The following VENTX variants were observed in gnomAD, a reference collection of about 807,000 sequenced individuals.
The protein encoded by VENTX is VENT homeobox.
A neutral mutation model predicts 10.5 loss-of-function variants in VENTX; 13 were observed. The ratio of observed to expected loss-of-function variants is 1.23; its 90% CI spans 0.80 to 1.96. The LOEUF (loss-of-function observed/expected upper bound fraction) is 1.96. VENTX is among the 30% of genes most tolerant of loss of function. The pLI, the probability that VENTX is intolerant of heterozygous loss-of-function variation, is 0.00. For missense variants in VENTX, 400 were observed against 341.8 expected (o/e 1.17, Z -1.34); for synonymous variants, 177 against 150.4 (o/e 1.18, Z -1.29).
At position 133,240,256 on chromosome 10, in the gene VENTX, A is replaced by G; in HGVS notation, c.727A>G (p.Thr243Ala). Residue 243 changes from threonine (T) to alanine (A), a missense_variant, in exon 3 of 3, where the codon ACG becomes GCG. Thr to Ala is a moderately conservative substitution (Grantham distance 58). Transcript: ENST00000325980. The part of the protein sequence containing the change: ...GRPSLGPALS[T>A]GPRGLCAMPQ... ...GCCTTCGCTGGGACCAGCCCTGTCC[A>G]CGGGGCCCCGGGGCCTGTGTGCTAT... is the stretch of plus-strand genomic sequence containing the variant. The G allele has an allele frequency of 2.5e-6, 4 of 1,607,268 alleles. No individual in the cohort carries two copies. The highest frequency in any genetic ancestry group is 1.1e-5 in the South Asian group (1 of 90,736).
intron 1 of VENTX, among the ~76,000 whole-genome samples, chr10:133,238,813 A>G (rs1213869955): frequency 3.3e-5 from 5 of 152,242 alleles, no homozygotes; most frequent in African/African-American, 9.6e-5. Flanking sequence ...TGGGGTTGAC[A>G]TCATCTACAA....
chr10:133,239,789 C>G lies in VENTX; in HGVS notation c.355C>G (p.Leu119Val), dbSNP rs1458108121. 1.3e-6 allele frequency: 2 copies of G among 1,595,302 alleles called. No homozygotes were observed. The highest frequency in any genetic ancestry group is 8.5e-7 in the Non-Finnish European group (1 of 1,170,964). The change falls in exon 2 of 3, where the codon CTG (leucine) becomes GTG (valine). Residue 119 changes from leucine to valine, a missense_variant. Physicochemically the swap from Leu to Val is conservative, Grantham distance 32 (BLOSUM62 1). Coordinates refer to ENST00000325980, the MANE Select transcript of VENTX (RefSeq NM_014468.4). ...VFQHHQYLSP[L>V]ERKRLAREMQ... ...CCAGCACCACCAGTACCTGAGCCCT[C>G]TGGAGCGGAAGAGGCTGGCCAGGGA...
Position 133,238,170 on chromosome 10 carries a change from G to T in VENTX, c.241+15G>T, listed in dbSNP as rs765855559. The T allele has an allele frequency of 3.8e-6, 6 of 1,575,154 alleles. No individual in the cohort carries two copies. Among genetic ancestry groups the T allele is most frequent in the Middle Eastern group, 1.8e-4 (1 of 5,516 alleles). ...GACCATGGCCGGTAGGTCCGGGTGG[G>T]GGGGGTCCCTTCCTTCCCAGGTGGA... On this transcript the variant is annotated intron_variant, in intron 1 of 2. Transcript: ENST00000325980.
chr10:133,240,391 C>G lies in VENTX; in HGVS notation c.*85C>G. 6.8e-7 allele frequency: 1 copy of G among 1,463,804 alleles called. No homozygotes were observed. Among genetic ancestry groups the G allele is most frequent in the Non-Finnish European group, 9.0e-7 (1 of 1,108,700 alleles). 90.7% of individuals were successfully genotyped at this position (1,463,804 alleles called of 1,614,324 possible). A position where few individuals can be genotyped will look rare whatever the true frequency, so the allele number is the denominator to read the frequency against. ...AGGACTCAGTTGTTCTGTTTACATC[C>G]TGGTGGCACCTCTCACCCTGACCCA... On this transcript the variant is annotated 3_prime_UTR_variant, in exon 3 of 3. Transcript: ENST00000325980.
In VENTX at chr10:133,238,020, A is replaced by C. The variant is rs1293422222; in HGVS notation, c.106A>C (p.Arg36=). The change falls in exon 1 of 3, where the codon AGG becomes CGG. Residue 36 remains arginine, a synonymous_variant. Transcript: ENST00000325980. The part of the protein sequence containing the change: ...SSCSGPTHTP[R]PADFSLGSLP... ...CTGCTCAGGGCCGACCCACACCCCCAGGCCTGCCGACTTCTCCCTGGGGAG... is the reference window on the plus strand; with the variant it reads ...CTGCTCAGGGCCGACCCACACCCCCCGGCCTGCCGACTTCTCCCTGGGGAG... 1.2e-6 allele frequency: 2 copies of C among 1,600,392 alleles called. No homozygotes were observed. The highest frequency in any genetic ancestry group is 1.7e-6 in the Non-Finnish European group (2 of 1,176,074).
chr10:133,238,171 G>A lies in VENTX; in HGVS notation c.241+16G>A, dbSNP rs754655978. ...ACCATGGCCGGTAGGTCCGGGTGGG[G>A]GGGGTCCCTTCCTTCCCAGGTGGAG... On this transcript the variant is annotated intron_variant, in intron 1 of 2. Transcript: ENST00000325980. 21 of 1,574,804 alleles carry A rather than the reference G, an allele frequency of 1.3e-5. No individual in the cohort carries two copies. Among genetic ancestry groups the A allele is most frequent in the Non-Finnish European group, 1.6e-5 (18 of 1,158,922 alleles).
Position 133,241,364 on chromosome 10 carries a change from C to G in VENTX, c.*1058C>G, listed in dbSNP as rs1341085554. The G allele has an allele frequency of 6.6e-6, 1 of 152,670 alleles. No individual in the cohort carries two copies. Among genetic ancestry groups the G allele is most frequent in the East Asian group, 1.9e-4 (1 of 5,202 alleles). 9.5% of individuals were successfully genotyped at this position (152,670 alleles called of 1,614,324 possible). ...CACCTGTCCCCCTGCTCGCAGCAGC[C>G]TCGGGACAAAACAATGACTCAAGGA... On this transcript the variant is annotated 3_prime_UTR_variant, in exon 3 of 3. Transcript: ENST00000325980.
Position 133,238,876 on chromosome 10 carries a change from G to A in VENTX, c.241+721G>A, listed in dbSNP as rs1018883678. Among the ~76,000 whole-genome samples the A allele has an allele frequency of 2.6e-4, 39 of 152,110 alleles. 1 individual carries two copies. The highest frequency in any genetic ancestry group is 5.3e-4 in the Non-Finnish European group (36 of 68,022). ...CCTTATGGAGTGACTTTGTACTTAA[G>A]GGAAATGAAAATTTAAATGTATTCT... is the stretch of plus-strand genomic sequence containing the variant. On this transcript the variant is annotated intron_variant, in intron 1 of 2. Coordinates refer to ENST00000325980, the MANE Select transcript of VENTX (RefSeq NM_014468.4).
In VENTX at chr10:133,241,586, G is replaced by A. The variant is rs1200247595; in HGVS notation, c.*1280G>A. 4 of 152,228 alleles carry A rather than the reference G, an allele frequency of 2.6e-5. No individual in the cohort carries two copies. Among genetic ancestry groups the A allele is most frequent in the Non-Finnish European group, 5.9e-5 (4 of 68,030 alleles). The allele number at this position is 152,228 out of a possible 1,614,324, so 9.4% of individuals were successfully genotyped here. A position where few individuals can be genotyped will look rare whatever the true frequency, so the allele number is the denominator to read the frequency against. On this transcript the variant is annotated 3_prime_UTR_variant, in exon 3 of 3. Coordinates refer to ENST00000325980, the MANE Select transcript of VENTX (RefSeq NM_014468.4). ...GGCAGTGCGGGGTGCCCAGGCAGAC[G>A]GGTTCAGCCTGCAGAACTGGAGGCG...
chr10:133,240,888 A>G lies in VENTX; in HGVS notation c.*582A>G, dbSNP rs1845927474. The G allele has an allele frequency of 6.6e-6, 1 of 152,116 alleles. No homozygotes were observed. The highest frequency in any genetic ancestry group is 1.5e-5 in the Non-Finnish European group (1 of 68,038). The allele number at this position is 152,116 out of a possible 1,614,324, so 9.4% of individuals were successfully genotyped here. A position where few individuals can be genotyped will look rare whatever the true frequency, so the allele number is the denominator to read the frequency against. ...GCCACCTCTTCACTGAAAGTTACCGAAAGAGTCGGTTTAGGAAGGAAACGA... is the reference window on the plus strand; with the variant it reads ...GCCACCTCTTCACTGAAAGTTACCGGAAGAGTCGGTTTAGGAAGGAAACGA... On this transcript the variant is annotated 3_prime_UTR_variant, in exon 3 of 3. Coordinates refer to ENST00000325980, the MANE Select transcript of VENTX (RefSeq NM_014468.4).
chr10:133,238,274 C>T (rs1184900410), intron 1 of VENTX, 119 bp downstream of exon 1: 4 of 1,321,922 alleles, frequency 3.0e-6, no homozygotes, highest in African/African-American at 1.5e-5. Flanking sequence ...GGGCCGGGGG[C>T]GTTTCCATGA....
Position 133,240,076 on chromosome 10 carries a change from C to T in VENTX, c.547C>T (p.Leu183=), listed in dbSNP as rs1418689180. ...SSGLANGLQL[L]CPWAPLSGPQ... ...TGGCCTTGCCAATGGCCTGCAGCTGCTGTGCCCTTGGGCACCCCTGTCCGG... is the reference window on the plus strand; with the variant it reads ...TGGCCTTGCCAATGGCCTGCAGCTGTTGTGCCCTTGGGCACCCCTGTCCGG... The change falls in exon 3 of 3, where the codon CTG becomes TTG. Residue 183 remains leucine, a synonymous_variant. Coordinates refer to ENST00000325980, the MANE Select transcript of VENTX (RefSeq NM_014468.4). 1.9e-6 allele frequency: 3 copies of T among 1,611,498 alleles called. No individual in the cohort carries two copies. In the African/African-American group the frequency reaches 4.0e-5, roughly 22 times the overall value.
In VENTX at chr10:133,240,196, C is replaced by T. The variant is rs1008463389; in HGVS notation, c.667C>T (p.Gln223Ter). ...ATCTGCGGGAGCTTCCTGCTGCGGG[C>T]AGCCTCTGGCGTCCCACCCCCCTAC... ...LASAGASCCG[Q>*]PLASHPPTPG... Residue 223 changes from glutamine to a stop codon, truncating the protein, a stop_gained, in exon 3 of 3, where the codon CAG becomes TAG. Coordinates refer to ENST00000325980, the MANE Select transcript of VENTX (RefSeq NM_014468.4). LOFTEE classifies it low-confidence loss of function (END_TRUNC). 6.2e-7 allele frequency: 1 copy of T among 1,610,160 alleles called. No individual in the cohort carries two copies. The highest frequency in any genetic ancestry group is 8.5e-7 in the Non-Finnish European group (1 of 1,179,694).
At position 133,238,037 on chromosome 10, in the gene VENTX, C is replaced by T. The variant is rs779627780; in HGVS notation, c.123C>T (p.Ser41=). The change falls in exon 1 of 3, where the codon TCC becomes TCT. Residue 41 remains serine, a synonymous_variant. Transcript: ENST00000325980. ...ACACCCCCAGGCCTGCCGACTTCTC[C>T]CTGGGGAGCCTCCCTGGCCCAGGCC... ...PTHTPRPADF[S]LGSLPGPGQT... The T allele has an allele frequency of 6.2e-6, 10 of 1,600,626 alleles. No individual in the cohort carries two copies. The African/African-American group carries it at 1.1e-4, about 17-fold the overall frequency.
In VENTX at chr10:133,241,299, C is replaced by G. The variant is rs1344828007; in HGVS notation, c.*993C>G. ...GCCGGGACCTGCGGCTGTGCCTGGA[C>G]TGAAGCTGTCCCGCAGGTCCCCACC... On this transcript the variant is annotated 3_prime_UTR_variant, in exon 3 of 3. Coordinates refer to ENST00000325980, the MANE Select transcript of VENTX (RefSeq NM_014468.4). 2 of 153,516 alleles carry G rather than the reference C, an allele frequency of 1.3e-5. No homozygotes were observed. Among genetic ancestry groups the G allele is most frequent in the Admixed American group, 1.3e-4 (2 of 15,280 alleles). 9.5% of individuals were successfully genotyped at this position (153,516 alleles called of 1,614,324 possible). A position where few individuals can be genotyped will look rare whatever the true frequency, so the allele number is the denominator to read the frequency against.
At position 133,241,827 on chromosome 10, in the gene VENTX, G is replaced by T. The variant is rs1252070125; in HGVS notation, c.*1521G>T. On this transcript the variant is annotated 3_prime_UTR_variant, in exon 3 of 3. Coordinates refer to ENST00000325980, the MANE Select transcript of VENTX (RefSeq NM_014468.4). Reference sequence around the variant, plus strand: ...AGAAGCCTGGGCGAGGCCCTCGGAGGGCAGCAGCTGGACAGGGACTACTGG... The same window carrying T: ...AGAAGCCTGGGCGAGGCCCTCGGAGTGCAGCAGCTGGACAGGGACTACTGG... 6.6e-6 allele frequency: 1 copy of T among 152,336 alleles called. No individual in the cohort carries two copies. Among genetic ancestry groups the T allele is most frequent in the East Asian group, 1.9e-4 (1 of 5,206 alleles). The allele number at this position is 152,336 out of a possible 1,614,324, so 9.4% of individuals were successfully genotyped here.
At position 133,240,012 on chromosome 10, in the gene VENTX, G is replaced by T; in HGVS notation, c.483G>T (p.Gly161=). The change falls in exon 3 of 3, where the codon GGG becomes GGT. Residue 161 remains glycine (G), a synonymous_variant. Transcript: ENST00000325980. The part of the protein sequence containing the change: ...QDPQLHSPFS[G]SLHAPPAFYS... ...CCCAGCTGCACAGCCCCTTCTCGGG[G>T]TCTCTCCATGCGCCCCCAGCTTTCT... 6.2e-7 allele frequency: 1 copy of T among 1,612,198 alleles called. No homozygotes were observed. Among genetic ancestry groups the T allele is most frequent in the Non-Finnish European group, 8.5e-7 (1 of 1,180,008 alleles).
At chr10:133,238,310 C>T (rs902427684) in intron 1 of VENTX, among the ~76,000 whole-genome samples, 155 bp downstream of exon 1, 1 of 152,196 alleles carries the variant, frequency 6.6e-6, no homozygotes, top group East Asian at 1.9e-4. Flanking sequence ...TTGCCGGCGC[C>T]CTCACTGGAG....
chr10:133,238,439 G>A (rs1845883753), intron 1 of VENTX, among the ~76,000 whole-genome samples: 2 of 152,100 alleles, frequency 1.3e-5, no homozygotes, highest in Non-Finnish European at 2.9e-5. Context: ...CCCCACCCCG[G>A]CCTGGTGCCG....
Sources: allele counts gnomAD v4.1 joint callset (sites outside exome capture counted in the v4.1 genomes callset), GRCh38; gene constraint gnomAD v4.1.1; transcripts MANE v1.5; gene names NCBI Gene and HGNC (gene_info 2026-07-23, HGNC 2026-07-21).